Variants in CRPPA observed in about 807,000 individuals in gnomAD.
CRPPA encodes the protein D-ribitol-5-phosphate cytidylyltransferase.
CRPPA carries 43 observed loss-of-function variants against 52.0 expected under a neutral mutation model. That is an observed-to-expected ratio of 0.83 (90% CI 0.65 to 1.07). The LOEUF (loss-of-function observed/expected upper bound fraction) is 1.07, where lower values mean the gene tolerates loss of function less well. Ranked by LOEUF, CRPPA falls within the 50% of genes least tolerant of loss-of-function variation. The probability of loss-of-function intolerance (pLI) is 0.00; values close to 1 mark genes in which losing one functional copy is unlikely to be tolerated. For synonymous variants in CRPPA, 250 were observed against 203.5 expected (o/e 1.23, Z -1.94); for missense variants, 629 against 551.7 (o/e 1.14, Z -1.40).
chr7:16,243,926 T>C (rs1783196151), intron 8 of CRPPA, among the ~76,000 whole-genome samples: 1 of 152,170 alleles, frequency 6.6e-6, no homozygotes, highest in Non-Finnish European at 1.5e-5. Context: ...ATGATCACAG[T>C]ATACTCCAGC....
At chr7:16,333,155 A>T (rs1785596274) in intron 3 of CRPPA, among the ~76,000 whole-genome samples, 1 of 152,182 alleles carries the variant, frequency 6.6e-6, no homozygotes, top group African/African-American at 2.4e-5. Flanking sequence ...AGATGAATAA[A>T]CTGTAATTGG....
intron 9 of CRPPA, among the ~76,000 whole-genome samples, chr7:16,135,222 A>G (rs1439054194): frequency 3.3e-5 from 5 of 152,212 alleles, no homozygotes; most frequent in African/African-American, 1.2e-4. Context: ...GGATTAATCT[A>G]AAATGCATAG....
At chr7:16,180,928 G>A (rs758247863) in intron 9 of CRPPA, among the ~76,000 whole-genome samples, 8 of 151,916 alleles carry the variant, frequency 5.3e-5, no homozygotes, top group Non-Finnish European at 1.0e-4. Context: ...TTATTCTTGT[G>A]CTTTTATATA....
At chr7:16,341,352 A>T (rs966241822) in intron 3 of CRPPA, among the ~76,000 whole-genome samples, 2 of 152,016 alleles carry the variant, frequency 1.3e-5, no homozygotes, top group South Asian at 4.1e-4. Flanking sequence ...GCACACCTAG[A>T]GGGAAAGGGG....
chr7:16,157,824 C>T (rs1783215239), intron 9 of CRPPA, among the ~76,000 whole-genome samples: 1 of 152,002 alleles, frequency 6.6e-6, no homozygotes, highest in African/African-American at 2.4e-5. Context: ...ACCATGCTTG[C>T]TTCCTGTTGT....
At chr7:16,099,835 C>T (rs1380506000) in intron 9 of CRPPA, among the ~76,000 whole-genome samples, 1 of 152,128 alleles carries the variant, frequency 6.6e-6, no homozygotes, top group Non-Finnish European at 1.5e-5. Flanking sequence ...ATACAACATC[C>T]TTTTTAATTA....
intron 8 of CRPPA, among the ~76,000 whole-genome samples, chr7:16,251,945 C>A (rs570714154): frequency 2.6e-5 from 4 of 152,078 alleles, no homozygotes; most frequent in African/African-American, 9.6e-5. Context: ...CAGGAGATGA[C>A]ATTTTGAAAA....
intron 9 of CRPPA, among the ~76,000 whole-genome samples, chr7:16,204,410 G>C (rs1445529406): frequency 6.6e-6 from 1 of 152,062 alleles, no homozygotes; most frequent in Admixed American, 6.6e-5. Context: ...TTATTAGTGG[G>C]AGCTAAATAA....
chr7:16,273,130 G>C lies in CRPPA; in HGVS notation c.933+4999C>G, dbSNP rs374202166. On this transcript the variant is annotated intron_variant, in intron 6 of 9. Transcript: ENST00000407010. ...TCCCTCCCCCCTCCCCCCATCAAAG[G>C]GTTATTTTAAAGAGAAAAGAACTGC... Among the ~76,000 whole-genome samples the C allele has an allele frequency of 1.2e-4, 14 of 115,750 alleles. No individual in the cohort carries two copies. The East Asian group carries it at 3.2e-3, about 26-fold the overall frequency. The allele number at this position is 115,750 out of a possible 152,430, so 75.9% of individuals were successfully genotyped here. A position where few individuals can be genotyped will look rare whatever the true frequency, so the allele number is the denominator to read the frequency against.
intron 9 of CRPPA, among the ~76,000 whole-genome samples, chr7:16,207,527 A>C (rs575720446): frequency 1.3e-5 from 2 of 152,216 alleles, no homozygotes; most frequent in African/African-American, 2.4e-5. Flanking sequence ...GTGTTGCATA[A>C]AGTGAAAACA....
At chr7:16,362,394 A>G (rs1786477477) in intron 3 of CRPPA, among the ~76,000 whole-genome samples, 1 of 152,174 alleles carries the variant, frequency 6.6e-6, no homozygotes, top group Non-Finnish European at 1.5e-5. Context: ...ATGGCAGAAG[A>G]GGTAGAAGGG....
intron 6 of CRPPA, chr7:16,276,853 C>G (rs371711697): frequency 3.3e-5 from 5 of 152,102 alleles, no homozygotes; most frequent in Non-Finnish European, 5.9e-5. Context: ...TTAAAGCATA[C>G]TAATTCAAAT....
chr7:16,185,208 A>G (rs1562545063), intron 9 of CRPPA, among the ~76,000 whole-genome samples: 1 of 152,212 alleles, frequency 6.6e-6, no homozygotes, highest in Non-Finnish European at 1.5e-5. Context: ...CGTGTCACAC[A>G]TGGCAGCAGA....
chr7:16,130,787 C>G (rs778588645), intron 9 of CRPPA, among the ~76,000 whole-genome samples: 10 of 152,180 alleles, frequency 6.6e-5, no homozygotes, highest in Non-Finnish European at 1.3e-4. Context: ...GACTGAATAT[C>G]TGTGTCCCCC....
At chr7:16,198,997 CTT>C (rs1781794575) in intron 9 of CRPPA, among the ~76,000 whole-genome samples, 1 of 152,154 alleles carries the variant, frequency 6.6e-6, no homozygotes, top group Non-Finnish European at 1.5e-5. Context: ...TAAACAGAAT[CTT>C]AACTTCTTTG....
chr7:16,338,442 A>G (rs970196782), intron 3 of CRPPA, among the ~76,000 whole-genome samples: 1 of 152,210 alleles, frequency 6.6e-6, no homozygotes, highest in African/African-American at 2.4e-5. Context: ...TCTCAATGGC[A>G]AAGAGTCAAA....
chr7:16,163,066 C>T (rs1376066378), intron 9 of CRPPA, among the ~76,000 whole-genome samples: 6 of 151,046 alleles, frequency 4.0e-5, no homozygotes, highest in South Asian at 4.2e-4. Flanking sequence ...CTCCACCTCC[C>T]GGGTTCACAC....
intron 9 of CRPPA, among the ~76,000 whole-genome samples, chr7:16,193,644 T>C (rs1259522282): frequency 6.6e-6 from 1 of 152,072 alleles, no homozygotes; most frequent in Non-Finnish European, 1.5e-5. Context: ...ATACCATAAA[T>C]ATAAAAGGGA....
chr7:16,178,758 G>T (rs1045570894), intron 9 of CRPPA, among the ~76,000 whole-genome samples: 1 of 151,712 alleles, frequency 6.6e-6, no homozygotes, highest in South Asian at 2.1e-4. Flanking sequence ...AATCTACCAA[G>T]TCAGACAATA....
Sources: gnomAD v4.1 joint callset for allele counts (sites outside exome capture counted in the v4.1 genomes callset) on GRCh38, gnomAD v4.1.1 for gene constraint, MANE v1.5 for transcripts, NCBI Gene and HGNC (gene_info 2026-07-23, HGNC 2026-07-21) for gene names.